PPP4R3A: variants seen among roughly 807,000 people sequenced by gnomAD.
The protein encoded by PPP4R3A is serine/threonine-protein phosphatase 4 regulatory subunit 3A.
Under a neutral mutation model 91.7 loss-of-function variants are expected in PPP4R3A, and 15 were observed. The ratio of observed to expected loss-of-function variants is 0.16; its 90% CI spans 0.11 to 0.25. PPP4R3A has a LOEUF of 0.25. Among genes scored for constraint, PPP4R3A ranks in the 10% least tolerant of loss-of-function variants. The pLI, the probability that PPP4R3A is intolerant of heterozygous loss-of-function variation, is 1.00. For synonymous variants in PPP4R3A, 377 were observed against 348.7 expected, an observed-to-expected ratio of 1.08 and a Z score of -0.91; for missense variants, 623 against 998.4, an observed-to-expected ratio of 0.62 and a Z score of 5.07.
Position 91,458,864 on chromosome 14 carries a change from G to A in PPP4R3A, c.2397C>T (p.Gly799=), listed in dbSNP as rs1375661576. ...CAGGATAATCTACCAGACCCACGAG[G>A]CCTCCCTGTTAAGAAATAAGGATTA... ...SQTAAITTKG[G]LVGLVDYPDD... Residue 799 remains glycine (G), a synonymous_variant, in exon 15 of 15, where the codon GGC becomes GGT. Transcript: ENST00000554943. 1.2e-6 allele frequency: 2 copies of A among 1,609,472 alleles called. No homozygotes were observed. Among genetic ancestry groups the A allele is most frequent in the South Asian group, 2.2e-5 (2 of 90,540 alleles).
In PPP4R3A at chr14:91,509,848, G is replaced by A. The variant is rs1891677310; in HGVS notation, c.-201C>T. 2 of 1,156,630 alleles carry A rather than the reference G, an allele frequency of 1.7e-6. No homozygotes were observed. The highest frequency in any genetic ancestry group is 1.6e-5 in the African/African-American group (1 of 61,112). The allele number at this position is 1,156,630 out of a possible 1,614,324, so 71.6% of individuals were successfully genotyped here. A position where few individuals can be genotyped will look rare whatever the true frequency, so the allele number is the denominator to read the frequency against. On this transcript the variant is annotated 5_prime_UTR_variant, in exon 1 of 15. Coordinates refer to ENST00000554943, the MANE Select transcript of PPP4R3A (RefSeq NM_001366432.2). Reference sequence around the variant, plus strand: ...GAGCTCTGGGCCGCCGCCTTTCCTCGCCTCCGGCTCCCCGGCGCTATTGTC... The same window carrying A: ...GAGCTCTGGGCCGCCGCCTTTCCTCACCTCCGGCTCCCCGGCGCTATTGTC...
rs200903867 is a variant in PPP4R3A at position 91,481,870 on chromosome 14, A to C, written c.621T>G (p.Leu207=). 2.3e-5 allele frequency: 37 copies of C among 1,614,160 alleles called. No individual in the cohort carries two copies. In the African/African-American group the frequency reaches 3.7e-4, roughly 16 times the overall value. ...ATTCTTCAGAGAACATAACTTCAAA[A>C]AGAGCAGTTCGATTCAAGAGAAAGA... ...KGIFLLNRTA[L]FEVMFSEECI... is the part of the protein sequence containing the mutation. The change falls in exon 4 of 15, where the codon CTT becomes CTG. Residue 207 remains leucine (L), a synonymous_variant. Coordinates refer to ENST00000554943, the MANE Select transcript of PPP4R3A (RefSeq NM_001366432.2).
At chr14:91,506,582 G>A (rs529705963) in intron 1 of PPP4R3A, among the ~76,000 whole-genome samples, 1 of 152,214 alleles carries the variant, frequency 6.6e-6, no homozygotes, top group East Asian at 1.9e-4. Context: ...GTGTGTGACA[G>A]GGTCTCCCTC....
chr14:91,498,922 A>C (rs1293943489), intron 1 of PPP4R3A, among the ~76,000 whole-genome samples: 2 of 150,466 alleles, frequency 1.3e-5, no homozygotes, highest in Admixed American at 1.3e-4. Flanking sequence ...CAACTCAAAA[A>C]AAAAAAAAAA....
chr14:91,475,786 T>C (rs753138405), intron 7 of PPP4R3A, 25 bp downstream of exon 7: 14 of 1,583,476 alleles, frequency 8.8e-6, no homozygotes, highest in Non-Finnish European at 1.2e-5. Flanking sequence ...TATAAATACT[T>C]ACTATTAGTA....
intron 11 of PPP4R3A, among the ~76,000 whole-genome samples, chr14:91,463,318 GC>G (rs1595048849): frequency 6.6e-6 from 1 of 152,028 alleles, no homozygotes; most frequent in South Asian, 2.1e-4. Context: ...GCCTGCCTCG[GC>G]CTCCCAAAGT....
intron 14 of PPP4R3A, among the ~76,000 whole-genome samples, chr14:91,460,823 G>A (rs972001795): frequency 2.0e-5 from 3 of 151,680 alleles, no homozygotes; most frequent in South Asian, 2.1e-4. Context: ...GTTTCACCAC[G>A]TTAGCCAGGA....
chr14:91,507,465 ATTATATATACTATAG>A lies in PPP4R3A; in HGVS notation c.142+2026_142+2040del, dbSNP rs1434239846. ...TATACTATATAGTATATATACTATA[ATTATATATACTATAG>A]TTATATATACTATATAGAATATATG... is the stretch of plus-strand genomic sequence containing the variant. On this transcript the variant is annotated intron_variant, in intron 1 of 14. Coordinates refer to ENST00000554943, the MANE Select transcript of PPP4R3A (RefSeq NM_001366432.2). Among the ~76,000 whole-genome samples the A allele has an allele frequency of 2.1e-3, 273 of 132,194 alleles. 14 individuals carry two copies. Among genetic ancestry groups the A allele is most frequent in the African/African-American group, 8.1e-3 (246 of 30,376 alleles). 86.7% of individuals were successfully genotyped at this position (132,194 alleles called of 152,430 possible). A position where few individuals can be genotyped will look rare whatever the true frequency, so the allele number is the denominator to read the frequency against.
chr14:91,468,713 G>C (rs1391573645), intron 10 of PPP4R3A, among the ~76,000 whole-genome samples: 1 of 91,070 alleles, frequency 1.1e-5, no homozygotes, highest in Admixed American at 1.2e-4. Flanking sequence ...AAAAGACCAA[G>C]TATACTTTGT....
chr14:91,484,386 T>C (rs540289313), intron 3 of PPP4R3A, among the ~76,000 whole-genome samples: 51 of 152,290 alleles, frequency 3.3e-4, no homozygotes, highest in African/African-American at 1.1e-3. Flanking sequence ...CGACAAACCA[T>C]AGCCAAATTT....
At chr14:91,491,314 C>A (rs531529139) in intron 1 of PPP4R3A, among the ~76,000 whole-genome samples, 47 of 152,198 alleles carry the variant, frequency 3.1e-4, no homozygotes, top group African/African-American at 1.1e-3. Flanking sequence ...CCCACTGCCC[C>A]CTCCTCCCAA....
chr14:91,484,156 G>A (rs1205045490), intron 3 of PPP4R3A, among the ~76,000 whole-genome samples: 1 of 152,126 alleles, frequency 6.6e-6, no homozygotes, highest in Non-Finnish European at 1.5e-5. Flanking sequence ...CTAAAAAGAT[G>A]GATGGTATTC....
At chr14:91,481,134 G>C (rs530076458) in intron 4 of PPP4R3A, among the ~76,000 whole-genome samples, 23 of 151,526 alleles carry the variant, frequency 1.5e-4, no homozygotes, top group African/African-American at 4.1e-4. Context: ...GAGGTTTGAG[G>C]CCAGCCTGGG....
At position 91,458,387 on chromosome 14, in the gene PPP4R3A, G is replaced by A. The variant is rs1595042748; in HGVS notation, c.*372C>T. 1.5e-5 allele frequency: 4 copies of A among 275,220 alleles called. No homozygotes were observed. Among genetic ancestry groups the A allele is most frequent in the East Asian group, 1.8e-4 (2 of 11,122 alleles). The allele number at this position is 275,220 out of a possible 1,614,324, so 17.0% of individuals were successfully genotyped here. A position where few individuals can be genotyped will look rare whatever the true frequency, so the allele number is the denominator to read the frequency against. ...ACTAGTGAAGAATTATGGCAGAAAG[G>A]CCCATTCTTCTGAGTCTCAAACATG... is the stretch of plus-strand genomic sequence containing the variant. On this transcript the variant is annotated 3_prime_UTR_variant, in exon 15 of 15. Transcript: ENST00000554943.
rs1339040088 is a variant in PPP4R3A, at chr14:91,468,688, AAGGAAAAAAG to A, written c.1660+2139_1660+2148del. On this transcript the variant is annotated intron_variant, in intron 10 of 14. Coordinates refer to ENST00000554943, the MANE Select transcript of PPP4R3A (RefSeq NM_001366432.2). ...GTCTCAAAAAAAAAAAAAAAAAAAAAAGGAAAAAAGAAAAAAAAGACCAAGTATACTTTGT... is the reference window on the plus strand; with the variant it reads ...GTCTCAAAAAAAAAAAAAAAAAAAAAAAAAAAAAGACCAAGTATACTTTGT... 8.8e-4 allele frequency among the ~76,000 whole-genome samples: 123 copies of A among 139,366 alleles called. 1 individual carries two copies. The highest frequency in any genetic ancestry group is 3.2e-3 in the African/African-American group (116 of 36,058). 91.4% of individuals were successfully genotyped at this position (139,366 alleles called of 152,430 possible). A position where few individuals can be genotyped will look rare whatever the true frequency, so the allele number is the denominator to read the frequency against.
chr14:91,493,238 A>AACCTACTTTGAAATACAACTC lies in PPP4R3A; in HGVS notation c.143-2437_143-2436insGAGTTGTATTTCAAAGTAGGT, dbSNP rs1335767535. Among the ~76,000 whole-genome samples, 42 of 151,178 alleles carry AACCTACTTTGAAATACAACTC rather than the reference A, an allele frequency of 2.8e-4. 2 individuals carry two copies. Among genetic ancestry groups the AACCTACTTTGAAATACAACTC allele is most frequent in the African/African-American group, 9.4e-4 (38 of 40,570 alleles). On this transcript the variant is annotated intron_variant, in intron 1 of 14. Coordinates refer to ENST00000554943, the MANE Select transcript of PPP4R3A (RefSeq NM_001366432.2). ...ACCCCATCTGTACTAAAAATACAAAAATTAGCCGGGCATGGTTGCTGTGAG... is the reference window on the plus strand; with the variant it reads ...ACCCCATCTGTACTAAAAATACAAAAACCTACTTTGAAATACAACTCATTAGCCGGGCATGGTTGCTGTGAG...
rs1888148828 is a variant in PPP4R3A, at chr14:91,461,430, G to A, written c.2342C>T (p.Pro781Leu). The change falls in exon 14 of 15, where the codon CCT becomes CTT. Residue 781 changes from proline (P) to leucine (L), a missense_variant. Around this residue, in one of 5 missense-constraint regions of PPP4R3A, gnomAD observed 201 missense variants for 229.9 expected, o/e 0.87. Transcript: ENST00000554943. ...AGATGTATTTTTAGGTACGGATCCA[G>A]GAGAGCCTGGAGATCCTGGGGATCC... Reference protein sequence around the residue: ...SPGSPGSPGSPGSVPKNTSQT... With the variant: ...SPGSPGSPGSLGSVPKNTSQT... 1.2e-6 allele frequency: 2 copies of A among 1,614,052 alleles called. No individual in the cohort carries two copies. The highest frequency in any genetic ancestry group is 1.7e-6 in the Non-Finnish European group (2 of 1,179,938).
At chr14:91,494,718 T>G (rs1219600652) in intron 1 of PPP4R3A, among the ~76,000 whole-genome samples, 1 of 152,026 alleles carries the variant, frequency 6.6e-6, no homozygotes, top group East Asian at 1.9e-4. Flanking sequence ...CACAAAAAAT[T>G]AGCTGGGCAT....
intron 10 of PPP4R3A, among the ~76,000 whole-genome samples, chr14:91,467,436 A>G (rs1888539864): frequency 6.6e-6 from 1 of 152,206 alleles, no homozygotes; most frequent in Non-Finnish European, 1.5e-5. Context: ...CTTAGTTTCA[A>G]TCATCTCTAA....
Sources: gnomAD v4.1 joint callset for allele counts (sites outside exome capture counted in the v4.1 genomes callset) on GRCh38, gnomAD v4.1.1 for gene constraint, gnomAD v4.1.1 regional missense constraint, MANE v1.5 for transcripts, NCBI Gene and HGNC (gene_info 2026-07-23, HGNC 2026-07-21) for gene names.